GRIP1: variants seen among roughly 807,000 people sequenced by gnomAD.
The protein encoded by GRIP1 is glutamate receptor interacting protein 1.
Under a neutral mutation model 129.9 loss-of-function variants are expected in GRIP1, and 45 were observed. The ratio of observed to expected loss-of-function variants is 0.35; its 90% CI spans 0.27 to 0.44. The LOEUF is 0.44. GRIP1 is among the 20% of genes least tolerant of loss of function. GRIP1 has a pLI of 1.00. For synonymous variants in GRIP1, 530 were observed against 520.8 expected (o/e 1.02, Z -0.24); for missense variants, 1,196 against 1,396.8 (o/e 0.86, Z 2.29).
chr12:66,641,936 C>T (rs1275935297), intron 1 of GRIP1, among the ~76,000 whole-genome samples: 2 of 152,130 alleles, frequency 1.3e-5, no homozygotes, highest in Non-Finnish European at 2.9e-5. Context: ...AAAGGGTATC[C>T]TGAATGGAAA....
At chr12:66,768,757 A>C (rs952525468) in intron 1 of GRIP1, among the ~76,000 whole-genome samples, 8 of 152,222 alleles carry the variant, frequency 5.3e-5, no homozygotes, top group African/African-American at 1.9e-4. Context: ...TGAGGACAAA[A>C]GCAATGCTTA....
At chr12:66,444,411 G>A (rs1251803362) in intron 13 of GRIP1, among the ~76,000 whole-genome samples, 173 bp downstream of exon 13, 2 of 149,600 alleles carry the variant, frequency 1.3e-5, no homozygotes, top group East Asian at 2.0e-4. Context: ...GCGTGAACCC[G>A]GGAAGTGGAG....
At chr12:66,717,648 T>C (rs970171294) in intron 1 of GRIP1, among the ~76,000 whole-genome samples, 1 of 151,664 alleles carries the variant, frequency 6.6e-6, no homozygotes, top group African/African-American at 2.4e-5. Flanking sequence ...CAGCATATCA[T>C]TGTAAGATTG....
At chr12:66,587,144 T>TTTTCACTTATTAGCAGAAG (rs1214389647) in intron 2 of GRIP1, among the ~76,000 whole-genome samples, 5 of 152,232 alleles carry the variant, frequency 3.3e-5, no homozygotes, top group African/African-American at 9.6e-5. Context: ...TTCTTGTTTC[T>TTTTCACTTATTAGCAGAAG]TTTCACTTAT....
At chr12:66,824,797 T>C (rs1168348148) in intron 1 of GRIP1, among the ~76,000 whole-genome samples, 1 of 152,062 alleles carries the variant, frequency 6.6e-6, no homozygotes, top group Non-Finnish European at 1.5e-5. Flanking sequence ...ACTTTTATCT[T>C]TTTTTAAGAG....
chr12:66,879,541 G>A (rs2040438890), intron 1 of GRIP1, among the ~76,000 whole-genome samples: 1 of 152,026 alleles, frequency 6.6e-6, no homozygotes, highest in South Asian at 2.1e-4. Flanking sequence ...GACCATATGT[G>A]AAGCCACTCT....
chr12:66,523,197 C>T (rs1327749508), intron 5 of GRIP1, among the ~76,000 whole-genome samples: 8 of 150,936 alleles, frequency 5.3e-5, no homozygotes, highest in Non-Finnish European at 7.4e-5. Flanking sequence ...AGATACTCCT[C>T]GAGAAGAGCA....
rs143762851 is a variant in GRIP1, at chr12:66,762,553, C to T, written c.-420+41500G>A. ...TATATGCTGTATGATTTAATATATGCTGTACAACTTAAAATTTGTGGCTAA... is the reference window on the plus strand; with the variant it reads ...TATATGCTGTATGATTTAATATATGTTGTACAACTTAAAATTTGTGGCTAA... On this transcript the variant is annotated intron_variant, in intron 1 of 4. Coordinates refer to the GRIP1 transcript ENST00000538373. Among the ~76,000 whole-genome samples, 643 of 152,196 alleles carry T rather than the reference C, an allele frequency of 4.2e-3. 3 individuals carry two copies. The highest frequency in any genetic ancestry group is 0.015 in the African/African-American group (618 of 41,522).
intron 1 of GRIP1, among the ~76,000 whole-genome samples, chr12:66,660,993 C>T (rs2033467552): frequency 6.6e-6 from 1 of 151,876 alleles, no homozygotes; most frequent in African/African-American, 2.4e-5. Flanking sequence ...TAGTTATACT[C>T]TGAACACATA....
intron 1 of GRIP1, among the ~76,000 whole-genome samples, chr12:66,835,032 G>A (rs2137030424): frequency 1.3e-5 from 2 of 151,992 alleles, no homozygotes; most frequent in South Asian, 4.2e-4. Flanking sequence ...AGAAGAGAAT[G>A]AAAGGACAAG....
intron 1 of GRIP1, among the ~76,000 whole-genome samples, chr12:67,024,542 A>G (rs2042913935): frequency 6.6e-6 from 1 of 152,166 alleles, no homozygotes. Flanking sequence ...TACTGGACCT[A>G]TTTGTAAGTC....
chr12:66,719,957 A>T (rs2036009928), intron 1 of GRIP1, among the ~76,000 whole-genome samples: 1 of 152,216 alleles, frequency 6.6e-6, no homozygotes, highest in Admixed American at 6.5e-5. Context: ...GCAGGTATTA[A>T]TCTGAATAGG....
chr12:66,889,015 T>C (rs1443963551), intron 1 of GRIP1, among the ~76,000 whole-genome samples: 1 of 152,184 alleles, frequency 6.6e-6, no homozygotes, highest in East Asian at 1.9e-4. Flanking sequence ...CTACAAAAAA[T>C]TGAAGCTCTA....
rs112754027 is a variant in GRIP1, at chr12:66,912,792, C to A, written c.58+156258G>T. On this transcript the variant is annotated intron_variant, in intron 1 of 1. Transcript: ENST00000643019. ...TACAATCGAAGAAGTCAAGGAATAT[C>A]TCTCTCTCATGAACCATGATCATTA... Among the ~76,000 whole-genome samples, 479 of 152,126 alleles carry A rather than the reference C, an allele frequency of 3.1e-3. 1 individual carries two copies. Among genetic ancestry groups the A allele is most frequent in the African/African-American group, 0.011 (457 of 41,518 alleles).
At chr12:66,432,129 C>T (rs921138061) in intron 14 of GRIP1, among the ~76,000 whole-genome samples, 23 of 151,750 alleles carry the variant, frequency 1.5e-4, no homozygotes, top group African/African-American at 4.1e-4. Flanking sequence ...ATATATTATA[C>T]GATATACTAA....
intron 1 of GRIP1, among the ~76,000 whole-genome samples, chr12:67,019,998 A>C (rs971502136): frequency 2.6e-5 from 4 of 152,204 alleles, no homozygotes; most frequent in African/African-American, 9.6e-5. Context: ...TTAGTTGTTA[A>C]TTATGTACAT....
intron 1 of GRIP1, among the ~76,000 whole-genome samples, chr12:66,665,864 G>T (rs1368152641): frequency 6.6e-6 from 1 of 152,090 alleles, no homozygotes; most frequent in Non-Finnish European, 1.5e-5. Flanking sequence ...AAAAGTAGTA[G>T]TATCAAATTA....
chr12:66,767,540 T>C (rs1204578008), intron 1 of GRIP1, among the ~76,000 whole-genome samples: 1 of 151,662 alleles, frequency 6.6e-6, no homozygotes, highest in African/African-American at 2.4e-5. Flanking sequence ...GTCACATCAT[T>C]TTGCCTTCTC....
chr12:66,958,404 T>A (rs1311346556), intron 1 of GRIP1, among the ~76,000 whole-genome samples: 1 of 152,160 alleles, frequency 6.6e-6, no homozygotes, highest in Non-Finnish European at 1.5e-5. Flanking sequence ...AGTGCTGGCA[T>A]TAGAAGCGTG....
Sources: allele counts gnomAD v4.1 joint callset (sites outside exome capture counted in the v4.1 genomes callset), GRCh38; gene constraint gnomAD v4.1.1; transcripts MANE v1.5; gene names NCBI Gene and HGNC (gene_info 2026-07-23, HGNC 2026-07-21).